ASIC2: variants seen among roughly 807,000 people sequenced by gnomAD.
ASIC2 encodes acid-sensing ion channel 2.
Under a neutral mutation model 57.3 loss-of-function variants are expected in ASIC2, and 25 were observed. The ratio of observed to expected loss-of-function variants is 0.44; its 90% CI spans 0.32 to 0.61. ASIC2 has a LOEUF of 0.61. Among genes scored for constraint, ASIC2 ranks in the 20% least tolerant of loss-of-function variants. The pLI, the probability that ASIC2 is intolerant of heterozygous loss-of-function variation, is 0.06. For synonymous variants in ASIC2, 319 were observed against 307.5 expected, an observed-to-expected ratio of 1.04 and a Z score of -0.39; for missense variants, 641 against 738.1, an observed-to-expected ratio of 0.87 and a Z score of 1.52.
intron 1 of ASIC2, among the ~76,000 whole-genome samples, chr17:33,356,909 C>A (rs540968235): frequency 8.3e-6 from 1 of 120,596 alleles, no homozygotes; most frequent in Non-Finnish European, 1.8e-5. Context: ...ATCTCCAGAA[C>A]GTCCCAACCT....
At chr17:33,810,088 T>C (rs1446353550) in intron 1 of ASIC2, among the ~76,000 whole-genome samples, 1 of 152,304 alleles carries the variant, frequency 6.6e-6, no homozygotes, top group South Asian at 2.1e-4. Context: ...AAACTAAATA[T>C]ATGCATTTGA....
intron 1 of ASIC2, among the ~76,000 whole-genome samples, chr17:33,194,204 T>C (rs981493721): frequency 6.6e-6 from 1 of 152,234 alleles, no homozygotes; most frequent in Admixed American, 6.5e-5. Context: ...TCTGAAATTA[T>C]TGCTTTCACT....
chr17:33,877,693 C>A (rs530208081), intron 1 of ASIC2, among the ~76,000 whole-genome samples: 54 of 152,346 alleles, frequency 3.5e-4, no homozygotes, highest in African/African-American at 1.1e-3. Context: ...CAGGGCACAG[C>A]CAAACAAAAG....
At chr17:33,823,763 C>T (rs891653479) in intron 1 of ASIC2, among the ~76,000 whole-genome samples, 1 of 152,210 alleles carries the variant, frequency 6.6e-6, no homozygotes, top group Non-Finnish European at 1.5e-5. Flanking sequence ...ACTGTTCTTT[C>T]CAGGCTTCAG....
intron 1 of ASIC2, among the ~76,000 whole-genome samples, chr17:33,762,519 G>T (rs1463040427): frequency 6.6e-6 from 1 of 152,104 alleles, no homozygotes; most frequent in Non-Finnish European, 1.5e-5. Flanking sequence ...CCATTTCATG[G>T]CTGCTCCATG....
At chr17:33,554,299 A>G (rs1879789374) in intron 1 of ASIC2, among the ~76,000 whole-genome samples, 1 of 152,088 alleles carries the variant, frequency 6.6e-6, no homozygotes, top group Admixed American at 6.5e-5. Flanking sequence ...TTTGAAGTTT[A>G]AGTGGGGGAA....
chr17:34,146,858 G>C (rs1440974171), intron 1 of ASIC2: 2 of 152,184 alleles, frequency 1.3e-5, no homozygotes, highest in Admixed American at 6.5e-5. Context: ...CCCCTCAACT[G>C]CTGGACTACT....
intron 1 of ASIC2, among the ~76,000 whole-genome samples, chr17:33,504,185 T>G (rs765511070): frequency 1.3e-5 from 2 of 152,232 alleles, no homozygotes; most frequent in African/African-American, 2.4e-5. Flanking sequence ...ATCTAGATAT[T>G]CATCACCTCT....
At chr17:33,983,740 T>G (rs569340461) in intron 1 of ASIC2, among the ~76,000 whole-genome samples, 1 of 152,306 alleles carries the variant, frequency 6.6e-6, no homozygotes, top group Non-Finnish European at 1.5e-5. Flanking sequence ...GGCTCTCAAC[T>G]GGGGGCAGTT....
intron 1 of ASIC2, chr17:34,039,378 C>A: frequency 1.2e-6 from 2 of 1,613,930 alleles, no homozygotes; most frequent in Non-Finnish European, 1.7e-6. Context: ...CTCCCCTTTG[C>A]GCCAGCTGCT....
intron 1 of ASIC2, among the ~76,000 whole-genome samples, chr17:33,212,355 A>C (rs565765501): frequency 2.2e-4 from 34 of 152,246 alleles, no homozygotes; most frequent in Non-Finnish European, 4.7e-4. Context: ...CCTACGATGG[A>C]AGCAAAGATT....
chr17:33,698,858 A>G (rs747919449), intron 1 of ASIC2, among the ~76,000 whole-genome samples: 3 of 152,114 alleles, frequency 2.0e-5, no homozygotes, highest in Non-Finnish European at 4.4e-5. Context: ...ATGGATAGGC[A>G]ACAGTTTGGA....
intron 1 of ASIC2, among the ~76,000 whole-genome samples, chr17:33,446,678 T>G (rs539665990): frequency 1.6e-4 from 25 of 151,914 alleles, no homozygotes; most frequent in African/African-American, 6.0e-4. Context: ...AGGCTATAGG[T>G]TCCTACAGGT....
chr17:33,774,697 C>T (rs1911213213), intron 1 of ASIC2, among the ~76,000 whole-genome samples: 1 of 152,158 alleles, frequency 6.6e-6, no homozygotes, highest in South Asian at 2.1e-4. Context: ...GACATACACA[C>T]TTTAATTGGG....
At chr17:33,788,104 T>G (rs930304819) in intron 1 of ASIC2, among the ~76,000 whole-genome samples, 1 of 152,054 alleles carries the variant, frequency 6.6e-6, no homozygotes, top group African/African-American at 2.4e-5. Flanking sequence ...CAAAAGAAAC[T>G]ATCATCAGAG....
chr17:33,258,251 C>T (rs568322478), intron 1 of ASIC2, among the ~76,000 whole-genome samples: 4 of 152,236 alleles, frequency 2.6e-5, no homozygotes, highest in African/African-American at 9.6e-5. Flanking sequence ...CTGCCCTTGA[C>T]GTTGGGGATA....
chr17:33,643,020 G>C (rs2018888), intron 1 of ASIC2, among the ~76,000 whole-genome samples: 119,002 of 152,144 alleles, frequency 0.78, 46,881 homozygotes, highest in African/African-American at 0.87. Context: ...ACTCCAGTAA[G>C]TTTTTCTACT....
intron 1 of ASIC2, among the ~76,000 whole-genome samples, chr17:33,997,201 G>A (rs1266481208): frequency 2.0e-5 from 3 of 151,672 alleles, no homozygotes; most frequent in African/African-American, 7.3e-5. Context: ...GAGTGAAGTG[G>A]TGCAGCCTCG....
At chr17:33,781,705 C>T (rs1911459283) in intron 1 of ASIC2, among the ~76,000 whole-genome samples, 1 of 152,164 alleles carries the variant, frequency 6.6e-6, no homozygotes, top group East Asian at 1.9e-4. Flanking sequence ...AATACTGCTC[C>T]TTTCCCCCAC....
Sources: gnomAD v4.1 joint callset for allele counts (sites outside exome capture counted in the v4.1 genomes callset) on GRCh38, gnomAD v4.1.1 for gene constraint, MANE v1.5 for transcripts, NCBI Gene and HGNC (gene_info 2026-07-23, HGNC 2026-07-21) for gene names.